The following FOXP1 variants were observed in gnomAD, a reference collection of about 807,000 sequenced individuals.
FOXP1 encodes forkhead box protein P1.
FOXP1 carries 15 observed loss-of-function variants against 98.2 expected under a neutral mutation model. That is an observed-to-expected ratio of 0.15 (90% CI 0.10 to 0.24). The LOEUF is 0.24. Among genes scored for constraint, FOXP1 ranks in the 10% least tolerant of loss-of-function variants. FOXP1 has a pLI of 1.00. For synonymous variants in FOXP1, 371 were observed against 314.5 expected (o/e 1.18, Z -1.90); for missense variants, 633 against 848.5 (o/e 0.75, Z 3.15).
rs144289338 is a variant in FOXP1 at position 71,256,971 on chromosome 3, T to G, written c.-12+42849A>C. Among the ~76,000 whole-genome samples, 356 of 152,324 alleles carry G rather than the reference T, an allele frequency of 2.3e-3. 2 individuals are homozygous for G. Among genetic ancestry groups the G allele is most frequent in the African/African-American group, 8.3e-3 (343 of 41,572 alleles). On this transcript the variant is annotated intron_variant, in intron 5 of 20. Coordinates refer to ENST00000649528, the MANE Select transcript of FOXP1 (RefSeq NM_001349338.3). ...TCTGTTCATTCTGAGCTACCAGCTA[T>G]TCATCCAATATCTTCTTTTAAGGAT...
At chr3:70,986,231 T>C (rs897672418) in intron 14 of FOXP1, among the ~76,000 whole-genome samples, 6 of 152,328 alleles carry the variant, frequency 3.9e-5, no homozygotes, top group African/African-American at 9.6e-5. Flanking sequence ...AATGGTCCTT[T>C]TGTGGCCCAC....
At chr3:71,495,716 T>C (rs1176794408) in intron 2 of FOXP1, among the ~76,000 whole-genome samples, 1 of 152,222 alleles carries the variant, frequency 6.6e-6, no homozygotes, top group African/African-American at 2.4e-5. Context: ...CTCAACTCTA[T>C]AAAGCTTGTG....
chr3:71,130,678 G>A (rs1559994255), intron 6 of FOXP1: 1 of 1,585,476 alleles, frequency 6.3e-7, no homozygotes, highest in South Asian at 1.1e-5. Context: ...AAACACACTG[G>A]AACATTGCCC....
chr3:71,098,744 A>G (rs945182608), intron 7 of FOXP1, among the ~76,000 whole-genome samples: 1 of 152,208 alleles, frequency 6.6e-6, no homozygotes, highest in Non-Finnish European at 1.5e-5. Flanking sequence ...TTTCAGATTA[A>G]GGACCAGTTC....
chr3:71,458,022 C>T (rs144739055), intron 3 of FOXP1, among the ~76,000 whole-genome samples: 1 of 152,282 alleles, frequency 6.6e-6, no homozygotes, highest in Admixed American at 6.5e-5. Flanking sequence ...TCTTTCTCTC[C>T]ATTTTCGTAA....
rs2032329674 is a variant in FOXP1, at chr3:70,958,292, G to T, written c.*955C>A. 5.6e-6 allele frequency: 3 copies of T among 534,736 alleles called. No individual in the cohort carries two copies. Among genetic ancestry groups the T allele is most frequent in the Non-Finnish European group, 1.1e-5 (3 of 276,150 alleles). The allele number at this position is 534,736 out of a possible 1,614,324, so 33.1% of individuals were successfully genotyped here. On this transcript the variant is annotated 3_prime_UTR_variant, in exon 21 of 21. Coordinates refer to ENST00000649528, the MANE Select transcript of FOXP1 (RefSeq NM_001349338.3). ...CTGCTGCGTGGAATGAATCGGCATTGTTCCTAGAGTTTGTCTCTCTTTTTT... is the reference window on the plus strand; with the variant it reads ...CTGCTGCGTGGAATGAATCGGCATTTTTCCTAGAGTTTGTCTCTCTTTTTT...
At chr3:71,101,962 TAAG>T in intron 7 of FOXP1, among the ~76,000 whole-genome samples, 1 of 152,270 alleles carries the variant, frequency 6.6e-6, no homozygotes, top group Admixed American at 6.5e-5. Context: ...TTCTACTACT[TAAG>T]TAGTTAAAAA....
intron 14 of FOXP1, among the ~76,000 whole-genome samples, chr3:70,985,834 C>T (rs2039638546): frequency 6.6e-6 from 1 of 152,082 alleles, no homozygotes; most frequent in Admixed American, 6.5e-5. Flanking sequence ...TAGCGCTGCT[C>T]TAGCTGTCAA....
At chr3:71,531,077 T>G (rs921785697) in intron 2 of FOXP1, among the ~76,000 whole-genome samples, 2 of 152,254 alleles carry the variant, frequency 1.3e-5, no homozygotes, top group Non-Finnish European at 2.9e-5. Flanking sequence ...TAAATCTGCG[T>G]TCAGGTGTGA....
At chr3:71,106,557 C>T (rs2057443024) in intron 7 of FOXP1, among the ~76,000 whole-genome samples, 1 of 152,010 alleles carries the variant, frequency 6.6e-6, no homozygotes, top group Non-Finnish European at 1.5e-5. Context: ...AACACCTGAC[C>T]TTGTGATCCG....
chr3:71,277,541 AGC>A (rs1576722068), intron 5 of FOXP1, among the ~76,000 whole-genome samples: 1 of 152,200 alleles, frequency 6.6e-6, no homozygotes. Flanking sequence ...GCTCTACAAT[AGC>A]CTCTTGCCAC....
chr3:71,245,068 A>G (rs2067619312), intron 5 of FOXP1: 1 of 152,160 alleles, frequency 6.6e-6, no homozygotes, highest in Non-Finnish European at 1.5e-5. Context: ...TTGCATATAC[A>G]GAGCTCAGTG....
At chr3:71,029,679 C>T (rs2046605954) in intron 11 of FOXP1, among the ~76,000 whole-genome samples, 1 of 152,204 alleles carries the variant, frequency 6.6e-6, no homozygotes, top group Admixed American at 6.5e-5. Flanking sequence ...GCATCAGCCA[C>T]CACGCTGGGC....
At chr3:71,145,503 C>T (rs1224928171) in intron 6 of FOXP1, among the ~76,000 whole-genome samples, 1 of 152,180 alleles carries the variant, frequency 6.6e-6, no homozygotes, top group Non-Finnish European at 1.5e-5. Context: ...GATCGTACCA[C>T]TGCACTCCAG....
chr3:71,549,208 A>C (rs904560160), intron 2 of FOXP1, among the ~76,000 whole-genome samples: 2 of 152,154 alleles, frequency 1.3e-5, no homozygotes, highest in Non-Finnish European at 2.9e-5. Context: ...CTGAGCATAC[A>C]CCACTTAGAA....
chr3:71,027,771 T>A (rs550435489), intron 11 of FOXP1, among the ~76,000 whole-genome samples: 1 of 152,300 alleles, frequency 6.6e-6, no homozygotes, highest in Non-Finnish European at 1.5e-5. Flanking sequence ...GCCACCAATT[T>A]TTATAACATA....
At chr3:71,013,765 G>T (rs1024095287) in intron 12 of FOXP1, among the ~76,000 whole-genome samples, 3 of 152,194 alleles carry the variant, frequency 2.0e-5, no homozygotes, top group African/African-American at 7.2e-5. Context: ...CAAGGCTACA[G>T]TAACCAAAAC....
intron 10 of FOXP1, among the ~76,000 whole-genome samples, chr3:71,041,938 A>G (rs907897851): frequency 2.6e-5 from 4 of 152,206 alleles, no homozygotes; most frequent in Admixed American, 1.3e-4. Flanking sequence ...CAAAATGAAT[A>G]ATTTTTGTGC....
chr3:71,368,301 T>G (rs529440773), intron 3 of FOXP1, among the ~76,000 whole-genome samples: 127 of 152,158 alleles, frequency 8.3e-4, no homozygotes, highest in African/African-American at 3.0e-3. Flanking sequence ...AATTTTTGTA[T>G]TTTTAGGAGA....
Sources: allele counts gnomAD v4.1 joint callset (sites outside exome capture counted in the v4.1 genomes callset), GRCh38; gene constraint gnomAD v4.1.1; transcripts MANE v1.5; gene names NCBI Gene and HGNC (gene_info 2026-07-23, HGNC 2026-07-21).